Variants in RAB10 observed in about 807,000 individuals in gnomAD.
RAB10 encodes the protein RAB10, member RAS oncogene family.
RAB10 carries 5 observed loss-of-function variants against 25.7 expected under a neutral mutation model. The observed-to-expected ratio is 0.19, with a 90% confidence interval of 0.10 to 0.41. The LOEUF is 0.41. RAB10 is among the 10% of genes least tolerant of loss of function. The pLI is 1.00. For synonymous variants in RAB10, 89 were observed against 86.4 expected (o/e 1.03, Z -0.16); for missense variants, 103 against 245.8 (o/e 0.42, Z 3.89).
At chr2:26,132,773 T>C (rs1574566597) in intron 5 of RAB10, among the ~76,000 whole-genome samples, 2 of 117,784 alleles carry the variant, frequency 1.7e-5, no homozygotes, top group Non-Finnish European at 3.6e-5. Context: ...CCCCCCCCCT[T>C]TTTTTTAAAT....
intron 1 of RAB10, among the ~76,000 whole-genome samples, chr2:26,083,887 A>G (rs1355568013): frequency 6.6e-6 from 1 of 152,312 alleles, no homozygotes; most frequent in South Asian, 2.1e-4. Context: ...ATTATTTACA[A>G]TAGCATCCAA....
In RAB10 at chr2:26,121,260, C is replaced by G. The variant is rs548799862; in HGVS notation, c.328-5884C>G. On this transcript the variant is annotated intron_variant, in intron 3 of 5. Coordinates refer to ENST00000264710, the MANE Select transcript of RAB10 (RefSeq NM_016131.5). ...GATTCTACTAAGGGTATCGTCCTTG[C>G]AACAAAAGAGTTGTTTCCTCCCTAA... 1.6e-4 allele frequency among the ~76,000 whole-genome samples: 25 copies of G among 152,292 alleles called. No homozygotes were observed. The South Asian group carries it at 5.0e-3, about 30-fold the overall frequency.
At chr2:26,105,068 G>A (rs1167392738) in intron 2 of RAB10, among the ~76,000 whole-genome samples, 1 of 152,084 alleles carries the variant, frequency 6.6e-6, no homozygotes, top group Non-Finnish European at 1.5e-5. Context: ...ATGGTATGGG[G>A]TAGAGGTCCA....
At chr2:26,073,780 G>A (rs1666676453) in intron 1 of RAB10, among the ~76,000 whole-genome samples, 1 of 152,158 alleles carries the variant, frequency 6.6e-6, no homozygotes, top group Admixed American at 6.5e-5. Context: ...GGAGGAAAAA[G>A]TACAGAAGGG....
intron 5 of RAB10, among the ~76,000 whole-genome samples, chr2:26,129,165 G>A (rs959913064): frequency 2.0e-5 from 3 of 151,762 alleles, no homozygotes; most frequent in African/African-American, 7.3e-5. Context: ...AGCTTCTTGG[G>A]AGGCTGAGGC....
chr2:26,124,230 T>C (rs1014922770), intron 3 of RAB10, among the ~76,000 whole-genome samples: 1 of 151,978 alleles, frequency 6.6e-6, no homozygotes, highest in Non-Finnish European at 1.5e-5. Flanking sequence ...ATACATGGTA[T>C]ACCCTTACCC....
intron 1 of RAB10, among the ~76,000 whole-genome samples, chr2:26,044,390 C>T (rs146649933): frequency 6.6e-6 from 1 of 152,078 alleles, no homozygotes; most frequent in Non-Finnish European, 1.5e-5. Context: ...GCAGATTTGT[C>T]TTTTTGTTGT....
intron 1 of RAB10, among the ~76,000 whole-genome samples, chr2:26,044,250 A>G (rs1234548212): frequency 6.6e-6 from 1 of 152,234 alleles, no homozygotes; most frequent in African/African-American, 2.4e-5. Context: ...CTAAAAGAGC[A>G]TTTGATCACA....
At chr2:26,062,859 A>G (rs187270086) in intron 1 of RAB10, among the ~76,000 whole-genome samples, 179 of 152,242 alleles carry the variant, frequency 1.2e-3, no homozygotes, top group African/African-American at 4.2e-3. Context: ...TCATGCCTGT[A>G]ATTCCAGCAC....
At chr2:26,126,974 A>G (rs1667921739) in intron 3 of RAB10, among the ~76,000 whole-genome samples, 170 bp from the exon 4 acceptor site, 1 of 152,220 alleles carries the variant, frequency 6.6e-6, no homozygotes, top group Non-Finnish European at 1.5e-5. Context: ...TTTGCTAGGT[A>G]ATCTAAGAAT....
chr2:26,087,667 G>T (rs536362555), intron 1 of RAB10, among the ~76,000 whole-genome samples: 1 of 152,276 alleles, frequency 6.6e-6, no homozygotes, highest in East Asian at 1.9e-4. Context: ...CTCCCAAAAT[G>T]CTGGGATTAC....
intron 1 of RAB10, among the ~76,000 whole-genome samples, chr2:26,050,933 T>G (rs931942377): frequency 4.6e-5 from 7 of 152,012 alleles, no homozygotes; most frequent in Non-Finnish European, 7.4e-5. Context: ...GACTTTTCTT[T>G]TTAGAGACAG....
intron 2 of RAB10, among the ~76,000 whole-genome samples, chr2:26,099,768 T>G (rs1237557604): frequency 6.6e-6 from 1 of 152,096 alleles, no homozygotes; most frequent in East Asian, 1.9e-4. Flanking sequence ...GGTCTCGATC[T>G]CCTGACCTCG....
At chr2:26,056,420 A>G (rs1666268869) in intron 1 of RAB10, among the ~76,000 whole-genome samples, 1 of 149,830 alleles carries the variant, frequency 6.7e-6, no homozygotes, top group South Asian at 2.1e-4. Context: ...TATGGTCTCA[A>G]TCTCCTGACC....
chr2:26,061,092 C>CTTTTTTTTTTTTTT (rs5829993), intron 1 of RAB10, among the ~76,000 whole-genome samples: 211 of 83,610 alleles, frequency 2.5e-3, no homozygotes, highest in Admixed American at 3.0e-3. Flanking sequence ...TTATCTCTGT[C>CTTTTTTTTTTTTTT]TTTTTTTTTT....
At chr2:26,127,049 A>T (rs1667922460) in intron 3 of RAB10, 95 bp from the exon 4 acceptor site, 2 of 905,604 alleles carry the variant, frequency 2.2e-6, no homozygotes, top group African/African-American at 1.7e-5. Context: ...AGCTATAGAA[A>T]TGACCCTCTA....
At chr2:26,100,473 C>A (rs1667319443) in intron 2 of RAB10, among the ~76,000 whole-genome samples, 1 of 152,082 alleles carries the variant, frequency 6.6e-6, no homozygotes, top group South Asian at 2.1e-4. Context: ...TTCCCACTGA[C>A]ATTATAAAAA....
At chr2:26,091,652 A>C (rs966018031) in intron 1 of RAB10, among the ~76,000 whole-genome samples, 1 of 151,986 alleles carries the variant, frequency 6.6e-6, no homozygotes, top group African/African-American at 2.4e-5. Flanking sequence ...TTGGATTTGG[A>C]GTTCAGGGGA....
At chr2:26,073,140 C>G (rs1342418639) in intron 1 of RAB10, among the ~76,000 whole-genome samples, 2 of 152,146 alleles carry the variant, frequency 1.3e-5, no homozygotes, top group Admixed American at 6.5e-5. Context: ...AGTGTCCCAT[C>G]AGAAAAACAG....
Sources: gnomAD v4.1 joint callset for allele counts (sites outside exome capture counted in the v4.1 genomes callset) on GRCh38, gnomAD v4.1.1 for gene constraint, MANE v1.5 for transcripts, NCBI Gene and HGNC (gene_info 2026-07-23, HGNC 2026-07-21) for gene names.